The following MGAM variants were observed in gnomAD, a reference collection of about 807,000 sequenced individuals.
The protein encoded by MGAM is alpha-1,4-glucosidase.
In MGAM, 253 loss-of-function variants were observed where a neutral mutation model predicts 358.8. That is an observed-to-expected ratio of 0.71 (90% CI 0.64 to 0.78). The LOEUF (loss-of-function observed/expected upper bound fraction) is 0.78, where lower values mean the gene tolerates loss of function less well. Among genes scored for constraint, MGAM ranks in the 30% least tolerant of loss-of-function variants. The pLI is 0.00. For missense variants in MGAM, 3,080 were observed against 3,432.6 expected, an observed-to-expected ratio of 0.90 and a Z score of 2.57; for synonymous variants, 1,105 against 1,227.1, an observed-to-expected ratio of 0.90 and a Z score of 2.08.
chr7:142,022,439 A>T lies in MGAM; in HGVS notation c.882A>T (p.Gly294=), dbSNP rs782770683. The part of the protein sequence containing the change: ...PIFNRDTTPN[G]NGTNLYGAQT... ...TTAACAGAGACACAACTCCCAATGG[A>T]GTAAGCTTTCAAATGGGCCCCTTTC... The change falls in exon 7 of 71, where the codon GGA becomes GGT. Residue 294 remains glycine, a splice_region_variant and synonymous_variant. Transcript: ENST00000475668. 6.2e-7 allele frequency: 1 copy of T among 1,612,096 alleles called. No individual in the cohort carries two copies. The highest frequency in any genetic ancestry group is 1.3e-5 in the African/African-American group (1 of 74,852).
At chr7:142,034,499 C>T (rs527561168) in intron 15 of MGAM, 120 bp downstream of exon 15, 1 of 997,508 alleles carries the variant, frequency 1.0e-6, no homozygotes, top group South Asian at 1.7e-5. Context: ...CAAAGCAAAA[C>T]AAAACATTTA....
intron 57 of MGAM, among the ~76,000 whole-genome samples, chr7:142,090,481 C>T (rs774155697): frequency 4.1e-5 from 6 of 145,782 alleles, no homozygotes; most frequent in Non-Finnish European, 7.8e-5. Context: ...CCTGGCATGC[C>T]CACTTCTGTC....
rs1439314278 is a variant in MGAM at position 142,086,417 on chromosome 7, CT to C, written c.6747+93del. On this transcript the variant is annotated intron_variant, in intron 56 of 70. Transcript: ENST00000475668. ...CACGCCTGTGTATGTTATTTTTGGC[CT>C]TTTCTATTTGGGCTCTGAGGTCAGA... 2.5e-5 allele frequency: 29 copies of C among 1,149,114 alleles called. 1 individual carries two copies. The highest frequency in any genetic ancestry group is 3.5e-5 in the Non-Finnish European group (29 of 825,446). 71.2% of individuals were successfully genotyped at this position (1,149,114 alleles called of 1,614,324 possible).
intron 3 of MGAM, among the ~76,000 whole-genome samples, chr7:142,016,877 G>A (rs1554456388): frequency 6.6e-6 from 1 of 152,184 alleles, no homozygotes. Flanking sequence ...GAGAGCCACT[G>A]CACCCAGCTG....
rs184189520 is a variant in MGAM, at chr7:142,067,485, C to G, written c.5004+60C>G. Reference sequence around the variant, plus strand: ...CAGCTGTGAGGCTTGGGGAAAAGGACGAGGAGAAGAGGCCTGAGCTGGTGG... The same window carrying G: ...CAGCTGTGAGGCTTGGGGAAAAGGAGGAGGAGAAGAGGCCTGAGCTGGTGG... On this transcript the variant is annotated intron_variant, in intron 42 of 70. Transcript: ENST00000475668. The G allele has an allele frequency of 4.5e-6, 6 of 1,332,392 alleles. No homozygotes were observed. The East Asian group carries it at 9.8e-5, about 22-fold the overall frequency. 82.5% of individuals were successfully genotyped at this position (1,332,392 alleles called of 1,614,324 possible).
In MGAM at chr7:142,104,316, G is replaced by A. The variant is rs190454150; in HGVS notation, c.8184+877G>A. On this transcript the variant is annotated intron_variant, in intron 70 of 70. Coordinates refer to ENST00000475668, the MANE Select transcript of MGAM (RefSeq NM_001365693.1). ...AATTTAAAAGAGGTAGACCCTAAAT[G>A]TGAAGAAGCACTAGAAATAGCTTAA... 8.5e-5 allele frequency among the ~76,000 whole-genome samples: 13 copies of A among 152,278 alleles called. No individual in the cohort carries two copies. The East Asian group carries it at 2.5e-3, about 29-fold the overall frequency.
intron 53 of MGAM, 34 bp downstream of exon 53, chr7:142,083,447 A>AT (rs1774732143): frequency 1.4e-6 from 2 of 1,417,082 alleles, no homozygotes; most frequent in East Asian, 4.7e-5. Context: ...TCAAGTACTT[A>AT]TATAGCACAT....
intron 2 of MGAM, among the ~76,000 whole-genome samples, chr7:141,986,918 T>C (rs1803731291): frequency 6.6e-6 from 1 of 152,058 alleles, no homozygotes; most frequent in African/African-American, 2.4e-5. Context: ...TTTGTGGAGA[T>C]TTGGAGGTCC....
At position 142,086,269 on chromosome 7, in the gene MGAM, G is replaced by A. The variant is rs758528656; in HGVS notation, c.6688G>A (p.Gly2230Ser). Reference protein sequence around the residue: ...ETQPYPAFTRGVEDDVFIKYP... With the variant: ...ETQPYPAFTRSVEDDVFIKYP... ...ACAGCCCTATCCTGCCTTCACTCGG[G>A]GCGTGGAGGATGACGTCTTCATCAA... The change falls in exon 56 of 71, where the codon GGC becomes AGC. Residue 2230 changes from glycine (G) to serine (S), a missense_variant. This residue lies in a region of MGAM where 932 missense variants were observed against 1,198.2 expected (regional missense o/e 0.78). Transcript: ENST00000475668. The A allele has an allele frequency of 6.5e-7, 1 of 1,544,886 alleles. No individual in the cohort carries two copies. Among genetic ancestry groups the A allele is most frequent in the Non-Finnish European group, 8.9e-7 (1 of 1,126,366 alleles).
chr7:142,007,405 A>C (rs1350416505), intron 2 of MGAM, among the ~76,000 whole-genome samples: 1 of 152,076 alleles, frequency 6.6e-6, no homozygotes, highest in South Asian at 2.1e-4. Flanking sequence ...CAGGCAATCA[A>C]GTGTTAACCT....
At chr7:142,008,416 T>G in intron 2 of MGAM, 90 bp from the exon 3 acceptor site, 2 of 1,349,888 alleles carry the variant, frequency 1.5e-6, no homozygotes, top group Non-Finnish European at 2.0e-6. Context: ...GCCTACTCAG[T>G]AGTGGAGTTA....
At chr7:142,103,934 C>T (rs940796185) in intron 70 of MGAM, among the ~76,000 whole-genome samples, 7 of 151,672 alleles carry the variant, frequency 4.6e-5, no homozygotes, top group African/African-American at 1.7e-4. Flanking sequence ...TCTCAGCTCA[C>T]TGCAAGCTCT....
intron 44 of MGAM, among the ~76,000 whole-genome samples, chr7:142,071,573 T>G (rs1306934023): frequency 6.8e-6 from 1 of 146,402 alleles, no homozygotes; most frequent in Non-Finnish European, 1.5e-5. Flanking sequence ...ACCAGAACTC[T>G]CCTCTCTTGA....
chr7:142,068,317 C>A (rs866177538), intron 42 of MGAM, among the ~76,000 whole-genome samples: 5 of 143,310 alleles, frequency 3.5e-5, no homozygotes, highest in Middle Eastern at 7.1e-3. Flanking sequence ...ATTATACCCA[C>A]AAAATTTTCT....
In MGAM at chr7:142,034,343, A is replaced by G; in HGVS notation, c.1751A>G (p.Asn584Ser). 6.3e-7 allele frequency: 1 copy of G among 1,594,680 alleles called. No homozygotes were observed. Among genetic ancestry groups the G allele is most frequent in the Non-Finnish European group, 8.5e-7 (1 of 1,170,210 alleles). Residue 584 changes from asparagine to serine, a missense_variant, in exon 15 of 71, where the codon AAT (asparagine) becomes AGT (serine). By Grantham distance (46) the Asn-to-Ser change is conservative (BLOSUM62 1). Around this residue, in one of 5 missense-constraint regions of MGAM, gnomAD observed 1,816 missense variants for 1,840.5 expected, o/e 0.99. Transcript: ENST00000475668. ...QHWGKQYDIH[N>S]LYGYSMAVAT... is the part of the protein sequence containing the mutation. ...TGGGGCAAGCAGTATGACATTCACAATCTGTATGGCTACTCCATGGCGGTC... is the reference window on the plus strand; with the variant it reads ...TGGGGCAAGCAGTATGACATTCACAGTCTGTATGGCTACTCCATGGCGGTC...
chr7:142,040,450 G>A, intron 20 of MGAM: 1 of 581,822 alleles, frequency 1.7e-6, no homozygotes, highest in South Asian at 2.3e-5. Context: ...GACAATGTGA[G>A]CTTGGTCAGG....
rs551078972 is a variant in MGAM, at chr7:141,989,359, T to C, written c.-2-16170T>C. ...CTGAGGAGGGGTTGGGAAACTGACA[T>C]TGGATGTCAGGTACTTATGTCAGCT... On this transcript the variant is annotated intron_variant, in intron 2 of 5. Transcript: ENST00000465654. 8.5e-5 allele frequency among the ~76,000 whole-genome samples: 13 copies of C among 152,246 alleles called. 1 individual carries two copies. Among genetic ancestry groups the C allele is most frequent in the Middle Eastern group, 6.8e-3 (2 of 294 alleles).
At chr7:142,103,193 T>G (rs979147605) in intron 69 of MGAM, 76 bp from the exon 70 acceptor site, 1 of 1,223,040 alleles carries the variant, frequency 8.2e-7, no homozygotes, top group African/African-American at 1.5e-5. Flanking sequence ...ATGACCTACA[T>G]TTGTGCCTAA....
intron 57 of MGAM, among the ~76,000 whole-genome samples, chr7:142,087,915 C>T (rs1814905163): frequency 6.8e-6 from 1 of 146,276 alleles, no homozygotes; most frequent in Non-Finnish European, 1.5e-5. Context: ...ATCCCATGGA[C>T]AGAGGTGCAG....
Sources: gnomAD v4.1 joint callset for allele counts (sites outside exome capture counted in the v4.1 genomes callset) on GRCh38, gnomAD v4.1.1 for gene constraint, gnomAD v4.1.1 regional missense constraint, MANE v1.5 for transcripts, NCBI Gene and HGNC (gene_info 2026-07-23, HGNC 2026-07-21) for gene names.